The following PCLO variants were observed in gnomAD, a reference collection of about 807,000 sequenced individuals.
The protein encoded by PCLO is piccolo presynaptic cytomatrix protein.
In PCLO, 82 loss-of-function variants were observed where a neutral mutation model predicts 427.5. The ratio of observed to expected loss-of-function variants is 0.19; its 90% confidence interval spans 0.16 to 0.23. PCLO has a LOEUF of 0.23. Among genes scored for constraint, PCLO ranks in the 10% least tolerant of loss-of-function variants. The pLI, the probability that PCLO is intolerant of heterozygous loss-of-function variation, is 1.00. For synonymous variants in PCLO, 2,357 were observed against 2,155.4 expected, an observed-to-expected ratio of 1.09 and a Z score of -2.59; for missense variants, 6,239 against 6,115.9, an observed-to-expected ratio of 1.02 and a Z score of -0.67.
intron 14 of PCLO, 143 bp from the exon 15 acceptor site, chr7:82,838,485 G>A (rs181441467): frequency 3.7e-4 from 199 of 542,666 alleles, no homozygotes; most frequent in Middle Eastern, 1.5e-3. Context: ...AAACAGACCA[G>A]TTAATGTCTA....
At chr7:83,068,311 A>C (rs1789720029) in intron 3 of PCLO, among the ~76,000 whole-genome samples, 1 of 152,150 alleles carries the variant, frequency 6.6e-6, no homozygotes, top group Non-Finnish European at 1.5e-5. Context: ...TTTTTAATAA[A>C]ATGTTTATTC....
intron 10 of PCLO, among the ~76,000 whole-genome samples, chr7:82,857,009 AAG>A (rs1262448989): frequency 1.3e-5 from 2 of 152,134 alleles, no homozygotes; most frequent in Non-Finnish European, 2.9e-5. Context: ...GCTTACTTGA[AAG>A]AGCATGCCTC....
rs73706740 is a variant in PCLO, at chr7:82,811,971, A to C, written c.14792-6142T>G. Among the ~76,000 whole-genome samples the C allele has an allele frequency of 1.8e-3, 274 of 151,558 alleles. 1 individual carries two copies. The highest frequency in any genetic ancestry group is 6.4e-3 in the African/African-American group (266 of 41,484). On this transcript the variant is annotated intron_variant, in intron 20 of 24. Transcript: ENST00000333891. ...ACAATATATCTATTATAAAGGTATGACAAGTCATGAGAAATGGAATGTTGC... is the reference window on the plus strand; with the variant it reads ...ACAATATATCTATTATAAAGGTATGCCAAGTCATGAGAAATGGAATGTTGC...
chr7:83,097,970 CTT>C (rs1213970771), intron 3 of PCLO, among the ~76,000 whole-genome samples: 2 of 152,008 alleles, frequency 1.3e-5, no homozygotes, highest in East Asian at 3.9e-4. Context: ...TAATGTGACA[CTT>C]GGATTATATT....
At chr7:82,824,723 C>T (rs1487733158) in intron 18 of PCLO, among the ~76,000 whole-genome samples, 1 of 151,398 alleles carries the variant, frequency 6.6e-6, no homozygotes, top group Non-Finnish European at 1.5e-5. Flanking sequence ...TAAAACAAAA[C>T]TTCTTTTTGT....
chr7:82,908,944 T>C lies in PCLO; in HGVS notation c.13370A>G (p.His4457Arg), dbSNP rs766418836. Reference sequence around the variant, plus strand: ...TTCCGGCAGTTTTCGGTCCAGACCATGTCCATTTTCCAAACGAGACTCCCT... The same window carrying C: ...TTCCGGCAGTTTTCGGTCCAGACCACGTCCATTTTCCAAACGAGACTCCCT... ...KPRESRLENG[H>R]GLDRKLPERL... The change falls in exon 8 of 25, where the codon CAT becomes CGT. Residue 4457 changes from histidine (H) to arginine (R), a missense_variant. His to Arg is a conservative substitution (Grantham distance 29). Around this residue, in one of 5 missense-constraint regions of PCLO, gnomAD observed 877 missense variants for 925.5 expected, o/e 0.95. Coordinates refer to ENST00000333891, the MANE Select transcript of PCLO (RefSeq NM_033026.6). 1.9e-6 allele frequency: 3 copies of C among 1,613,012 alleles called. No individual in the cohort carries two copies. Among genetic ancestry groups the C allele is most frequent in the South Asian group, 1.1e-5 (1 of 91,072 alleles).
At chr7:83,066,752 T>G (rs761100167) in intron 3 of PCLO, among the ~76,000 whole-genome samples, 4 of 152,078 alleles carry the variant, frequency 2.6e-5, no homozygotes, top group Admixed American at 6.6e-5. Context: ...TAAAATCAGC[T>G]CTGAGGAATG....
chr7:82,820,909 T>A, intron 20 of PCLO: 1 of 1,230,220 alleles, frequency 8.1e-7, no homozygotes, highest in Non-Finnish European at 1.0e-6. Flanking sequence ...CATAGAAAAA[T>A]ACAAATCACT....
At position 82,869,838 on chromosome 7, in the gene PCLO, A is replaced by G. The variant is rs148427277; in HGVS notation, c.13654+9499T>C. ...GAAATACCTAAGAATAAATTTAACTAAATAAATGAAAGATCTTTACAATGG... is the reference window on the plus strand; with the variant it reads ...GAAATACCTAAGAATAAATTTAACTGAATAAATGAAAGATCTTTACAATGG... On this transcript the variant is annotated intron_variant, in intron 10 of 24. Transcript: ENST00000333891. 4.7e-3 allele frequency among the ~76,000 whole-genome samples: 712 copies of G among 152,170 alleles called. 4 individuals carry two copies. Among genetic ancestry groups the G allele is most frequent in the African/African-American group, 0.016 (680 of 41,564 alleles).
intron 9 of PCLO, among the ~76,000 whole-genome samples, chr7:82,897,596 C>G (rs1793936684): frequency 6.6e-6 from 1 of 151,326 alleles, no homozygotes; most frequent in Non-Finnish European, 1.5e-5. Flanking sequence ...TTCAGGTCCT[C>G]CTACTAAATT....
At chr7:82,975,506 A>G (rs1434522788) in intron 3 of PCLO, among the ~76,000 whole-genome samples, 2 of 152,074 alleles carry the variant, frequency 1.3e-5, no homozygotes, top group Non-Finnish European at 2.9e-5. Flanking sequence ...GTGGTGGGAG[A>G]GATTGGTTAG....
rs891140143 is a variant in PCLO, at chr7:83,148,686, T to G, written c.1893+6062A>C. On this transcript the variant is annotated intron_variant, in intron 2 of 24. Coordinates refer to ENST00000333891, the MANE Select transcript of PCLO (RefSeq NM_033026.6). ...ACATATCTCTCAGGAATAGTAAGAA[T>G]TTTCTTACATTCTTTGAAGAATGAA... Among the ~76,000 whole-genome samples the G allele has an allele frequency of 3.3e-4, 50 of 152,128 alleles. 2 individuals are homozygous for G. Among genetic ancestry groups the G allele is most frequent in the South Asian group, 2.1e-4 (1 of 4,834 alleles).
intron 3 of PCLO, among the ~76,000 whole-genome samples, chr7:83,026,812 C>T (rs1216946882): frequency 7.4e-5 from 11 of 148,140 alleles, no homozygotes; most frequent in Non-Finnish European, 1.4e-4. Context: ...CACTCAAAAC[C>T]GCTCAACTAC....
At chr7:82,933,276 A>C (rs1794880235) in intron 6 of PCLO, among the ~76,000 whole-genome samples, 1 of 152,064 alleles carries the variant, frequency 6.6e-6, no homozygotes, top group African/African-American at 2.4e-5. Flanking sequence ...TCCTTGTTGT[A>C]ATAGTGCTTC....
At chr7:82,925,275 A>T (rs1794687169) in intron 6 of PCLO, among the ~76,000 whole-genome samples, 1 of 152,014 alleles carries the variant, frequency 6.6e-6, no homozygotes, top group Admixed American at 6.6e-5. Flanking sequence ...TCCAAACAAG[A>T]GGTCTTTAAA....
At chr7:83,090,772 A>T (rs1157678660) in intron 3 of PCLO, among the ~76,000 whole-genome samples, 1 of 152,142 alleles carries the variant, frequency 6.6e-6, no homozygotes, top group Non-Finnish European at 1.5e-5. Flanking sequence ...AAAACTTGGA[A>T]CTAAAACAGT....
At chr7:83,161,864 G>A (rs1474003036) in intron 1 of PCLO, among the ~76,000 whole-genome samples, 1 of 152,102 alleles carries the variant, frequency 6.6e-6, no homozygotes, top group Non-Finnish European at 1.5e-5. Flanking sequence ...GGGTGGGGTG[G>A]CAAGAGAGGA....
At position 83,155,214 on chromosome 7, in the gene PCLO, G is replaced by C. The variant is rs1260812025; in HGVS notation, c.1427C>G (p.Pro476Arg). The C allele has an allele frequency of 9.2e-5, 148 of 1,613,380 alleles. No homozygotes were observed. The highest frequency in any genetic ancestry group is 1.2e-4 in the Non-Finnish European group (147 of 1,179,802). ...AGGCTGTTGAGGTGGGGGCTTTGCT[G>C]GGCCAGGCAGTTGTGAAGGAGGCTT... ...PTKPPSQLPG[P>R]AKPPPQQPGP... is the part of the protein sequence containing the mutation. Residue 476 changes from proline (P) to arginine (R), a missense_variant, in exon 2 of 25, where the codon CCA becomes CGA. Transcript: ENST00000333891.
At chr7:83,123,858 G>A (rs73180544) in intron 3 of PCLO, among the ~76,000 whole-genome samples, 16 of 148,578 alleles carry the variant, frequency 1.1e-4, no homozygotes, top group African/African-American at 3.2e-4. Flanking sequence ...TTTGGAGTCC[G>A]AGGCCAGTGG....
Sources: allele counts gnomAD v4.1 joint callset (sites outside exome capture counted in the v4.1 genomes callset), GRCh38; gene constraint gnomAD v4.1.1; regional missense constraint gnomAD v4.1.1; transcripts MANE v1.5; gene names NCBI Gene and HGNC (gene_info 2026-07-23, HGNC 2026-07-21).